Variants in LPAR1 observed in about 807,000 individuals in gnomAD.
The protein encoded by LPAR1 is lysophosphatidic acid receptor 1.
LPAR1 carries 5 observed loss-of-function variants against 23.8 expected under a neutral mutation model. That is an observed-to-expected ratio of 0.21 (90% CI 0.11 to 0.44). LPAR1 has a LOEUF of 0.44. Among genes scored for constraint, LPAR1 ranks in the 20% least tolerant of loss-of-function variants. The probability of loss-of-function intolerance (pLI) is 0.99; values close to 1 mark genes in which losing one functional copy is unlikely to be tolerated. For synonymous variants in LPAR1, 160 were observed against 164.7 expected (o/e 0.97, Z 0.22); for missense variants, 311 against 482.8 (o/e 0.64, Z 3.33).
At chr9:110,901,989 G>C (rs2089283581) in intron 5 of LPAR1, among the ~76,000 whole-genome samples, 1 of 152,096 alleles carries the variant, frequency 6.6e-6, no homozygotes, top group African/African-American at 2.4e-5. Flanking sequence ...TCCCAGCTAA[G>C]TATAAATATA....
intron 5 of LPAR1, among the ~76,000 whole-genome samples, chr9:110,898,824 G>A (rs1335744303): frequency 6.6e-6 from 1 of 152,192 alleles, no homozygotes; most frequent in Non-Finnish European, 1.5e-5. Flanking sequence ...GCTGTAAGAT[G>A]CAGTATTCAT....
At chr9:110,947,986 G>A (rs1021061362) in intron 4 of LPAR1, among the ~76,000 whole-genome samples, 12 of 152,158 alleles carry the variant, frequency 7.9e-5, no homozygotes, top group Non-Finnish European at 5.9e-5. Context: ...AGCCGGGGCG[G>A]GGGCCTGATT....
intron 2 of LPAR1, among the ~76,000 whole-genome samples, chr9:111,030,396 C>T (rs2097774961): frequency 6.6e-6 from 1 of 152,186 alleles, no homozygotes; most frequent in Non-Finnish European, 1.5e-5. Flanking sequence ...TTGTGTTATT[C>T]TCTTAGTAAG....
intron 5 of LPAR1, among the ~76,000 whole-genome samples, chr9:110,895,803 C>T (rs750910906): frequency 2.6e-5 from 4 of 151,908 alleles, no homozygotes; most frequent in Non-Finnish European, 5.9e-5. Flanking sequence ...GGCTAAAAAA[C>T]AATAAAAATA....
intron 5 of LPAR1, among the ~76,000 whole-genome samples, chr9:110,891,523 C>T (rs548950596): frequency 5.9e-5 from 9 of 152,172 alleles, no homozygotes; most frequent in East Asian, 3.9e-4. Flanking sequence ...GGAGGATAAA[C>T]GAGATTAGTG....
At chr9:111,007,177 T>C (rs2097235794) in intron 2 of LPAR1, among the ~76,000 whole-genome samples, 1 of 152,146 alleles carries the variant, frequency 6.6e-6, no homozygotes, top group Non-Finnish European at 1.5e-5. Context: ...GCCGAGCAGA[T>C]GCCAGCACCA....
intron 5 of LPAR1, among the ~76,000 whole-genome samples, chr9:110,880,454 C>G (rs2080438645): frequency 6.6e-6 from 1 of 152,138 alleles, no homozygotes; most frequent in Non-Finnish European, 1.5e-5. Flanking sequence ...ACTAGTTGAA[C>G]TTTGCTTACA....
chr9:110,910,751 T>C (rs1303260042), intron 5 of LPAR1, among the ~76,000 whole-genome samples: 1 of 152,180 alleles, frequency 6.6e-6, no homozygotes, highest in Admixed American at 6.5e-5. Flanking sequence ...CCAACCCTCA[T>C]GGATGACTTT....
rs184939749 is a variant in LPAR1, at chr9:110,984,264, A to G, written c.-181-10706T>C. 1.4e-3 allele frequency among the ~76,000 whole-genome samples: 216 copies of G among 152,064 alleles called. 3 individuals are homozygous for G. Among genetic ancestry groups the G allele is most frequent in the Middle Eastern group, 0.014 (4 of 294 alleles). On this transcript the variant is annotated intron_variant, in intron 2 of 5. Coordinates refer to ENST00000683809, the MANE Select transcript of LPAR1 (RefSeq NM_001351411.2). Reference sequence around the variant, plus strand: ...CCCACCTTCCTAGCCCCTCGTAACTATCCTTCTATTCTCTGTCTCCATATG... The same window carrying G: ...CCCACCTTCCTAGCCCCTCGTAACTGTCCTTCTATTCTCTGTCTCCATATG...
intron 2 of LPAR1, among the ~76,000 whole-genome samples, chr9:111,005,124 T>C (rs1422858751): frequency 7.3e-6 from 1 of 137,056 alleles, no homozygotes; most frequent in Non-Finnish European, 1.5e-5. Context: ...ATTACAACAC[T>C]GTACTCTAGC....
chr9:110,882,663 C>T (rs2081203088), intron 5 of LPAR1, among the ~76,000 whole-genome samples: 1 of 152,098 alleles, frequency 6.6e-6, no homozygotes, highest in Non-Finnish European at 1.5e-5. Flanking sequence ...AATAAAAGTG[C>T]AAGCACATGA....
intron 2 of LPAR1, among the ~76,000 whole-genome samples, chr9:110,977,668 C>A (rs971206704): frequency 6.6e-6 from 1 of 152,166 alleles, no homozygotes; most frequent in South Asian, 2.1e-4. Flanking sequence ...GGGCTTAAAA[C>A]CTAGATGACG....
At chr9:111,019,045 C>T (rs1016925931) in intron 2 of LPAR1, among the ~76,000 whole-genome samples, 14 of 152,036 alleles carry the variant, frequency 9.2e-5, no homozygotes, top group African/African-American at 3.4e-4. Flanking sequence ...TAAAATAGAA[C>T]ATAATAGAAA....
intron 5 of LPAR1, among the ~76,000 whole-genome samples, chr9:110,915,410 G>A (rs1347606009): frequency 1.3e-5 from 2 of 152,070 alleles, no homozygotes; most frequent in Non-Finnish European, 2.9e-5. Context: ...GGTGGCATGT[G>A]CCTGTAATCC....
At chr9:110,984,490 A>C (rs1359082437) in intron 2 of LPAR1, among the ~76,000 whole-genome samples, 3 of 152,090 alleles carry the variant, frequency 2.0e-5, no homozygotes, top group East Asian at 3.9e-4. Flanking sequence ...ATGGACACTT[A>C]GGCTGCTTCC....
chr9:111,038,462 G>T lies in LPAR1; in HGVS notation c.-557C>A. 1 of 344,442 alleles carries T rather than the reference G, an allele frequency of 2.9e-6. No homozygotes were observed. The highest frequency in any genetic ancestry group is 5.7e-6 in the Non-Finnish European group (1 of 174,432). 21.3% of individuals were successfully genotyped at this position (344,442 alleles called of 1,614,324 possible). A position where few individuals can be genotyped will look rare whatever the true frequency, so the allele number is the denominator to read the frequency against. On this transcript the variant is annotated 5_prime_UTR_variant, in exon 1 of 6. Transcript: ENST00000683809. The surrounding 1 kb of genome is among the most constrained non-coding windows in gnomAD (Gnocchi z 4.4). ...CTCAGGGAGCGTCAGCCGCCAGTCG[G>T]CCCCTACTGCCCGGCTTTGGCGCGC...
chr9:110,938,177 T>C (rs1196207705), intron 5 of LPAR1, among the ~76,000 whole-genome samples: 1 of 152,186 alleles, frequency 6.6e-6, no homozygotes. Context: ...CTGCCTGCCC[T>C]CACAAACCTG....
intron 5 of LPAR1, among the ~76,000 whole-genome samples, chr9:110,909,008 A>G (rs942061874): frequency 4.6e-5 from 7 of 152,148 alleles, no homozygotes; most frequent in African/African-American, 1.7e-4. Context: ...GCCTCTCAAA[A>G]AAGTATCAAA....
chr9:111,023,872 T>G (rs1260475839), intron 2 of LPAR1, among the ~76,000 whole-genome samples: 1 of 152,230 alleles, frequency 6.6e-6, no homozygotes, highest in Non-Finnish European at 1.5e-5. Flanking sequence ...CTCATTCAAA[T>G]GTATGGACAA....
Sources: gnomAD v4.1 joint callset for allele counts (sites outside exome capture counted in the v4.1 genomes callset) on GRCh38, gnomAD v4.1.1 for gene constraint, Gnocchi (gnomAD v3.1) non-coding constraint, MANE v1.5 for transcripts, NCBI Gene and HGNC (gene_info 2026-07-23, HGNC 2026-07-21) for gene names.